TDRD12: variants seen among roughly 807,000 people sequenced by gnomAD.
TDRD12 encodes the protein putative ATP-dependent RNA helicase TDRD12.
Under a neutral mutation model 133.5 loss-of-function variants are expected in TDRD12, and 158 were observed. The observed-to-expected ratio is 1.18, with a 90% CI of 1.04 to 1.35. The LOEUF (loss-of-function observed/expected upper bound fraction) is 1.35. Among genes scored for constraint, TDRD12 ranks in the 40% most tolerant of loss-of-function variants. The probability of loss-of-function intolerance (pLI) is 0.00; values close to 1 mark genes in which losing one functional copy is unlikely to be tolerated. For missense variants in TDRD12, 1,443 were observed against 1,321.3 expected (o/e 1.09, Z -1.43); for synonymous variants, 460 against 477.9 (o/e 0.96, Z 0.49).
intron 8 of TDRD12, among the ~76,000 whole-genome samples, chr19:32,764,766 A>AT (rs1469817013): frequency 1.3e-5 from 2 of 152,168 alleles, no homozygotes; most frequent in Non-Finnish European, 2.9e-5. Context: ...TCCTTCATGT[A>AT]TTTTGAAGGT....
intron 14 of TDRD12, among the ~76,000 whole-genome samples, chr19:32,795,914 C>G (rs1971212196): frequency 1.3e-5 from 2 of 152,144 alleles, no homozygotes; most frequent in Admixed American, 6.5e-5. Context: ...ACCAAGAGGA[C>G]AGTGCTAACC....
At chr19:32,764,446 A>G (rs994191992) in intron 8 of TDRD12, among the ~76,000 whole-genome samples, 1 of 152,128 alleles carries the variant, frequency 6.6e-6, no homozygotes, top group Non-Finnish European at 1.5e-5. Context: ...AAGTTGTTCC[A>G]GATTCTCATT....
chr19:32,790,401 G>A, intron 11 of TDRD12, 130 bp from the exon 12 acceptor site: 1 of 864,626 alleles, frequency 1.2e-6, no homozygotes, highest in Non-Finnish European at 1.8e-6. Context: ...AACAGAACAG[G>A]CAGCAGTTGT....
chr19:32,771,484 T>A (rs1213095465), intron 8 of TDRD12, among the ~76,000 whole-genome samples: 3 of 152,166 alleles, frequency 2.0e-5, no homozygotes, highest in African/African-American at 4.8e-5. Context: ...TACTATTACT[T>A]CTTTTATTTC....
At chr19:32,774,745 C>T (rs1277678570) in intron 10 of TDRD12, among the ~76,000 whole-genome samples, 1 of 152,094 alleles carries the variant, frequency 6.6e-6, no homozygotes, top group Non-Finnish European at 1.5e-5. Flanking sequence ...CTTTGGGAGG[C>T]CAAGGTGGGC....
intron 27 of TDRD12, among the ~76,000 whole-genome samples, chr19:32,819,857 G>T (rs1045371706): frequency 6.6e-6 from 1 of 152,214 alleles, no homozygotes; most frequent in African/African-American, 2.4e-5. Flanking sequence ...GGGAATGCTG[G>T]TGCGGTGGAC....
At chr19:32,804,904 A>C (rs1971499852) in intron 21 of TDRD12, among the ~76,000 whole-genome samples, 1 of 151,842 alleles carries the variant, frequency 6.6e-6, no homozygotes. Context: ...TCAAAAAAAA[A>C]AAAGTTGTCT....
At chr19:32,777,294 GAA>G in intron 11 of TDRD12, 65 bp downstream of exon 11, 4 of 1,012,622 alleles carry the variant, frequency 4.0e-6, no homozygotes, top group Non-Finnish European at 5.7e-6. Flanking sequence ...ATAAACAAGA[GAA>G]ATCTACACAT....
At chr19:32,748,643 C>T in intron 5 of TDRD12, 112 bp downstream of exon 5, 1 of 1,045,822 alleles carries the variant, frequency 9.6e-7, no homozygotes, top group East Asian at 2.7e-5. Context: ...CGGCCCTCCT[C>T]AGAGGAGTTC....
intron 8 of TDRD12, among the ~76,000 whole-genome samples, chr19:32,766,464 A>G (rs529628661): frequency 6.6e-6 from 1 of 152,252 alleles, no homozygotes; most frequent in South Asian, 2.1e-4. Context: ...ATATAATGTA[A>G]TGTATTGATA....
chr19:32,798,327 C>A (rs1250652583), exon 16 of TDRD12: 1 of 1,535,066 alleles, frequency 6.5e-7, no homozygotes, highest in South Asian at 1.2e-5. Context: ...TTGTTACGAC[C>A]CCATACAGCC....
At chr19:32,737,746 A>G (rs904498497) in intron 2 of TDRD12, among the ~76,000 whole-genome samples, 3 of 152,176 alleles carry the variant, frequency 2.0e-5, no homozygotes, top group African/African-American at 7.2e-5. Flanking sequence ...GGTGCTGGGA[A>G]TTTGGCAGTA....
At chr19:32,795,529 G>A (rs746557754) in intron 14 of TDRD12, among the ~76,000 whole-genome samples, 20 of 152,036 alleles carry the variant, frequency 1.3e-4, no homozygotes, top group Non-Finnish European at 2.5e-4. Flanking sequence ...CTAGGAGTGG[G>A]GTTGAAGTCT....
chr19:32,787,957 A>G (rs1232061516), intron 11 of TDRD12, among the ~76,000 whole-genome samples: 1 of 152,170 alleles, frequency 6.6e-6, no homozygotes, highest in East Asian at 1.9e-4. Context: ...CTGTCCAACC[A>G]GTCCCAGTGA....
At chr19:32,765,051 A>T (rs1469206450) in intron 8 of TDRD12, among the ~76,000 whole-genome samples, 88 of 148,890 alleles carry the variant, frequency 5.9e-4, no homozygotes, top group Non-Finnish European at 6.5e-4. Context: ...AGAAAAAAAC[A>T]AACAACCCCA....
At chr19:32,735,133 A>G (rs545354935) in intron 2 of TDRD12, among the ~76,000 whole-genome samples, 1 of 152,346 alleles carries the variant, frequency 6.6e-6, no homozygotes, top group African/African-American at 2.4e-5. Flanking sequence ...GCTAGAAATG[A>G]TTGAACTTAG....
intron 8 of TDRD12, among the ~76,000 whole-genome samples, chr19:32,770,183 T>G (rs1394600911): frequency 2.0e-5 from 3 of 151,888 alleles, no homozygotes; most frequent in Non-Finnish European, 2.9e-5. Flanking sequence ...ATTTTTGTAT[T>G]TTTAGTAGAG....
chr19:32,812,329 C>T (rs1373231380), intron 24 of TDRD12, among the ~76,000 whole-genome samples: 1 of 152,174 alleles, frequency 6.6e-6, no homozygotes, highest in African/African-American at 2.4e-5. Context: ...GAGCATGAGT[C>T]GTGTTGATAA....
At chr19:32,808,860 C>A (rs2868190) in intron 22 of TDRD12, among the ~76,000 whole-genome samples, 6,434 of 152,182 alleles carry the variant, frequency 0.042, 306 homozygotes, top group East Asian at 0.27. Flanking sequence ...TAGTTTTGAT[C>A]TGTTTGTGGA....
Sources: gnomAD v4.1 joint callset for allele counts (sites outside exome capture counted in the v4.1 genomes callset) on GRCh38, gnomAD v4.1.1 for gene constraint, MANE v1.5 for transcripts, NCBI Gene and HGNC (gene_info 2026-07-23, HGNC 2026-07-21) for gene names.